Variants in LRRC4C observed in about 807,000 individuals in gnomAD.
LRRC4C encodes the protein leucine rich repeat containing 4C.
A neutral mutation model predicts 33.6 loss-of-function variants in LRRC4C; 5 were observed. That is an observed-to-expected ratio of 0.15 (90% CI 0.08 to 0.31). LRRC4C has a LOEUF of 0.31. Among genes scored for constraint, LRRC4C ranks in the 10% least tolerant of loss-of-function variants. LRRC4C has a pLI of 1.00. For missense variants in LRRC4C, 560 were observed against 796.7 expected, an observed-to-expected ratio of 0.70 and a Z score of 3.58; for synonymous variants, 329 against 302.0, an observed-to-expected ratio of 1.09 and a Z score of -0.93.
chr11:41,216,992 G>A (rs1488869645), intron 1 of LRRC4C, among the ~76,000 whole-genome samples: 4 of 152,080 alleles, frequency 2.6e-5, no homozygotes, highest in East Asian at 3.9e-4. Context: ...TAAAAGAAAC[G>A]GGTCATGAGT....
At chr11:40,176,660 C>T (rs1860521804) in intron 5 of LRRC4C, among the ~76,000 whole-genome samples, 1 of 151,798 alleles carries the variant, frequency 6.6e-6, no homozygotes, top group Admixed American at 6.6e-5. Flanking sequence ...CCAGCCTCAG[C>T]CTCTTCAGTA....
intron 3 of LRRC4C, among the ~76,000 whole-genome samples, chr11:40,434,054 TA>T (rs1035076525): frequency 6.6e-6 from 1 of 152,200 alleles, no homozygotes; most frequent in African/African-American, 2.4e-5. Flanking sequence ...TTCTTATTTT[TA>T]AAATTTCCTT....
chr11:41,136,186 A>C (rs754377970), intron 1 of LRRC4C, among the ~76,000 whole-genome samples: 4 of 152,192 alleles, frequency 2.6e-5, no homozygotes. Context: ...GGAACCAATA[A>C]GACTAAACAT....
intron 1 of LRRC4C, among the ~76,000 whole-genome samples, chr11:40,984,111 T>C (rs1175961164): frequency 6.7e-6 from 1 of 149,266 alleles, no homozygotes; most frequent in Non-Finnish European, 1.5e-5. Context: ...CCTATAACAG[T>C]ACTATTGACA....
chr11:40,971,077 T>C (rs1285007211), intron 1 of LRRC4C, among the ~76,000 whole-genome samples: 2 of 152,158 alleles, frequency 1.3e-5, no homozygotes, highest in Non-Finnish European at 2.9e-5. Flanking sequence ...AGCCTGGCCA[T>C]GCAGTAGAAA....
At chr11:41,079,961 C>A (rs1939442509) in intron 1 of LRRC4C, among the ~76,000 whole-genome samples, 1 of 152,070 alleles carries the variant, frequency 6.6e-6, no homozygotes, top group South Asian at 2.1e-4. Flanking sequence ...TATTTATGTC[C>A]ATTTTCTTTC....
rs139502034 is a variant in LRRC4C, at chr11:41,364,617, T to C, written c.-496+94814A>G. On this transcript the variant is annotated intron_variant, in intron 1 of 6. Coordinates refer to ENST00000528697, the MANE Select transcript of LRRC4C (RefSeq NM_001258419.2). ...TGATCGTCAAATGCAATAAGAAAGT[T>C]CAGGTGAAATAAAACTTTATTATAT... Among the ~76,000 whole-genome samples the C allele has an allele frequency of 4.6e-5, 7 of 152,278 alleles. No homozygotes were observed. The East Asian group carries it at 1.4e-3, about 29-fold the overall frequency.
intron 1 of LRRC4C, among the ~76,000 whole-genome samples, chr11:41,242,511 T>C (rs1948293579): frequency 6.6e-6 from 1 of 152,120 alleles, no homozygotes; most frequent in Non-Finnish European, 1.5e-5. Context: ...TCTTATCTTT[T>C]AAGAACTCAG....
At chr11:41,056,991 G>C (rs1388836988) in intron 1 of LRRC4C, among the ~76,000 whole-genome samples, 3 of 152,190 alleles carry the variant, frequency 2.0e-5, no homozygotes. Context: ...CCAAGCCATG[G>C]CTGCAAACTG....
chr11:40,167,598 C>T (rs185449986), intron 5 of LRRC4C, among the ~76,000 whole-genome samples: 1 of 152,020 alleles, frequency 6.6e-6, no homozygotes, highest in African/African-American at 2.4e-5. Context: ...TATTCTATGA[C>T]AGAAAGTTCT....
At chr11:40,973,971 C>T (rs1851906586) in intron 1 of LRRC4C, among the ~76,000 whole-genome samples, 1 of 151,976 alleles carries the variant, frequency 6.6e-6, no homozygotes. Context: ...CTGGAGGGCT[C>T]CACAAGGCCA....
At chr11:40,507,976 C>G (rs888898824) in intron 3 of LRRC4C, among the ~76,000 whole-genome samples, 13 of 151,994 alleles carry the variant, frequency 8.6e-5, no homozygotes, top group African/African-American at 3.1e-4. Flanking sequence ...TGCCTAGTCT[C>G]GAACTCCTGG....
At chr11:40,730,848 T>A (rs1947535248) in intron 2 of LRRC4C, among the ~76,000 whole-genome samples, 1 of 152,330 alleles carries the variant, frequency 6.6e-6, no homozygotes, top group Non-Finnish European at 1.5e-5. Context: ...TAATATCATG[T>A]TTATTTTTTA....
intron 2 of LRRC4C, among the ~76,000 whole-genome samples, chr11:40,922,978 C>A (rs1301929468): frequency 6.6e-6 from 1 of 152,132 alleles, no homozygotes; most frequent in African/African-American, 2.4e-5. Flanking sequence ...GCATACGCCA[C>A]CACACCCAGC....
At chr11:40,391,870 A>C (rs915557038) in intron 3 of LRRC4C, among the ~76,000 whole-genome samples, 1 of 152,184 alleles carries the variant, frequency 6.6e-6, no homozygotes, top group East Asian at 1.9e-4. Flanking sequence ...TTTAAACATA[A>C]TTGCCTAAAA....
At chr11:41,048,685 C>T (rs552101061) in intron 1 of LRRC4C, among the ~76,000 whole-genome samples, 7 of 152,130 alleles carry the variant, frequency 4.6e-5, no homozygotes, top group Admixed American at 4.6e-4. Flanking sequence ...TCTCAGAAAG[C>T]TCCAAGTATT....
At chr11:40,493,781 C>T (rs115597476) in intron 3 of LRRC4C, among the ~76,000 whole-genome samples, 1,744 of 152,194 alleles carry the variant, frequency 0.011, 38 homozygotes, top group African/African-American at 0.039. Context: ...TTATTAAGTG[C>T]ATTTAGGTGG....
chr11:41,264,023 T>C (rs1949067001), intron 1 of LRRC4C, among the ~76,000 whole-genome samples: 1 of 152,086 alleles, frequency 6.6e-6, no homozygotes, highest in Admixed American at 6.6e-5. Flanking sequence ...TAATTTATCA[T>C]AAAGTATAAT....
chr11:41,419,669 G>A (rs1954808284), intron 1 of LRRC4C, among the ~76,000 whole-genome samples: 1 of 151,900 alleles, frequency 6.6e-6, no homozygotes, highest in Non-Finnish European at 1.5e-5. Flanking sequence ...TATTCTTCTA[G>A]TACTTTATAC....
Sources: allele counts gnomAD v4.1 joint callset (sites outside exome capture counted in the v4.1 genomes callset), GRCh38; gene constraint gnomAD v4.1.1; transcripts MANE v1.5; gene names NCBI Gene and HGNC (gene_info 2026-07-23, HGNC 2026-07-21).